PES1: variants seen among roughly 807,000 people sequenced by gnomAD.
The protein encoded by PES1 is pescadillo homolog.
PES1 carries 31 observed loss-of-function variants against 77.1 expected under a neutral mutation model. That is an observed-to-expected ratio of 0.40 (90% CI 0.30 to 0.54). The LOEUF is 0.54. Among genes scored for constraint, PES1 ranks in the 20% least tolerant of loss-of-function variants. The probability of loss-of-function intolerance (pLI) is 0.45; values close to 1 mark genes in which losing one functional copy is unlikely to be tolerated. For synonymous variants in PES1, 282 were observed against 303.0 expected (o/e 0.93, Z 0.72); for missense variants, 658 against 771.7 (o/e 0.85, Z 1.75).
rs539520329 is a variant in PES1 at position 30,600,070 on chromosome 22, G to A, written c.-661+5391C>T. Among the ~76,000 whole-genome samples the A allele has an allele frequency of 6.6e-5, 10 of 152,238 alleles. No homozygotes were observed. The South Asian group carries it at 1.9e-3, about 28-fold the overall frequency. On this transcript the variant is annotated intron_variant, in intron 2 of 16. Transcript: ENST00000402281. ...TACAGGGCCAGGCTAGGTGGCTCAC[G>A]CCTTTAATCCCAGCACTTTGGGAGG...
intron 2 of PES1, among the ~76,000 whole-genome samples, chr22:30,600,518 A>C (rs1366816461): frequency 5.3e-5 from 8 of 151,416 alleles, no homozygotes; most frequent in African/African-American, 1.9e-4. Flanking sequence ...TCCTGTCTCT[A>C]TTAAATATAA....
rs543754057 is a variant in PES1 at position 30,602,559 on chromosome 22, C to G, written c.-661+2902G>C. ...TATTTTCTTTTCCTTTTTTTCTTTT[C>G]TTTTGATAAAGATAGGGGCTCACTA... On this transcript the variant is annotated intron_variant, in intron 2 of 16. Coordinates refer to the PES1 transcript ENST00000402281. Among the ~76,000 whole-genome samples, 186 of 140,234 alleles carry G rather than the reference C, an allele frequency of 1.3e-3. 1 individual carries two copies. The highest frequency in any genetic ancestry group is 4.5e-3 in the African/African-American group (167 of 37,470). 92.0% of individuals were successfully genotyped at this position (140,234 alleles called of 152,430 possible). A position where few individuals can be genotyped will look rare whatever the true frequency, so the allele number is the denominator to read the frequency against.
chr22:30,604,633 AAAAT>A (rs1215255814), intron 2 of PES1, among the ~76,000 whole-genome samples: 3 of 24,172 alleles, frequency 1.2e-4, no homozygotes, highest in African/African-American at 4.1e-4. Flanking sequence ...TGTCTCAAAA[AAAAT>A]AAATAAATAA....
At chr22:30,597,550 C>T (rs375694948) in intron 2 of PES1, among the ~76,000 whole-genome samples, 85 of 148,096 alleles carry the variant, frequency 5.7e-4, no homozygotes, top group Middle Eastern at 3.4e-3. Flanking sequence ...ATACACCAAT[C>T]GACACTCTAT....
At chr22:30,587,472 G>T in intron 3 of PES1, 77 bp from the exon 4 acceptor site, 1 of 1,125,534 alleles carries the variant, frequency 8.9e-7, no homozygotes, top group African/African-American at 1.5e-5. Context: ...AGATGGAAAC[G>T]CAGGGCAGAA....
intron 9 of PES1, 43 bp from the exon 10 acceptor site, chr22:30,580,744 AC>A: frequency 6.2e-7 from 1 of 1,609,312 alleles, no homozygotes. Context: ...AGGGCTGCCC[AC>A]CCCCACTGGA....
At position 30,602,493 on chromosome 22, in the gene PES1, A is replaced by G. The variant is rs557175541; in HGVS notation, c.-661+2968T>C. Among the ~76,000 whole-genome samples, 3 of 145,800 alleles carry G rather than the reference A, an allele frequency of 2.1e-5. No individual in the cohort carries two copies. In the South Asian group the frequency reaches 6.4e-4, roughly 31 times the overall value. On this transcript the variant is annotated intron_variant, in intron 2 of 16. Coordinates refer to the PES1 transcript ENST00000402281. Reference sequence around the variant, plus strand: ...CGCCTTGGCCTCCCAACGTGCTGCGATTACAGGTGTGAACCACCATGTCCG... The same window carrying G: ...CGCCTTGGCCTCCCAACGTGCTGCGGTTACAGGTGTGAACCACCATGTCCG...
intron 11 of PES1, 24 bp downstream of exon 11, chr22:30,580,029 G>A (rs767305990): frequency 1.2e-5 from 19 of 1,612,430 alleles, no homozygotes; most frequent in South Asian, 3.3e-5. Flanking sequence ...CCAGAAATCC[G>A]GACGAGGACC....
At chr22:30,583,864 G>A (rs2087024162) in intron 6 of PES1, among the ~76,000 whole-genome samples, 1 of 152,254 alleles carries the variant, frequency 6.6e-6, no homozygotes, top group Non-Finnish European at 1.5e-5. Context: ...GAGTCCTGTG[G>A]GGCAGAGAGG....
intron 2 of PES1, among the ~76,000 whole-genome samples, chr22:30,600,827 CA>C (rs200815388): frequency 2.6e-5 from 4 of 151,120 alleles, no homozygotes; most frequent in Admixed American, 1.3e-4. Context: ...AAAAACAAAA[CA>C]AAAAAAAATT....
intron 12 of PES1, 40 bp downstream of exon 12, chr22:30,579,711 G>C (rs2086952103): frequency 1.3e-6 from 2 of 1,588,690 alleles, no homozygotes; most frequent in Non-Finnish European, 1.7e-6. Flanking sequence ...AGCCAGCGTG[G>C]GCCCAGGGGT....
At chr22:30,581,954 C>T (rs1390786913) in intron 6 of PES1, among the ~76,000 whole-genome samples, 6 of 152,184 alleles carry the variant, frequency 3.9e-5, no homozygotes, top group Admixed American at 1.3e-4. Context: ...CCTGCTGCTC[C>T]GAAGACTGGC....
chr22:30,591,022 A>G (rs1460841229), intron 1 of PES1, among the ~76,000 whole-genome samples: 1 of 152,074 alleles, frequency 6.6e-6, no homozygotes, highest in Non-Finnish European at 1.5e-5. Flanking sequence ...TATATTCCTC[A>G]TTCCCATTCC....
intron 14 of PES1, among the ~76,000 whole-genome samples, chr22:30,578,064 C>T (rs1255174597): frequency 1.3e-5 from 2 of 152,196 alleles, no homozygotes; most frequent in Non-Finnish European, 2.9e-5. Flanking sequence ...AGGCAGATCA[C>T]TTGAGGTCAG....
At chr22:30,592,308 C>A (rs1022944973), upstream of PES1, 1 of 992,220 alleles carries the variant, frequency 1.0e-6, no homozygotes. Context: ...TCGGCTGCCG[C>A]TGCTGAGAAG....
At chr22:30,600,113 C>T (rs755487162) in intron 2 of PES1, among the ~76,000 whole-genome samples, 3 of 152,126 alleles carry the variant, frequency 2.0e-5, no homozygotes, top group Non-Finnish European at 4.4e-5. Context: ...AGGCAGATAG[C>T]CTGATCTCAG....
intron 4 of PES1, among the ~76,000 whole-genome samples, chr22:30,586,187 C>CT (rs1171287366): frequency 1.3e-5 from 2 of 152,178 alleles, no homozygotes; most frequent in African/African-American, 2.4e-5. Context: ...TCGTGTGTGG[C>CT]TTTTTTTCAT....
intron 7 of PES1, 33 bp from the exon 8 acceptor site, chr22:30,581,441 G>A (rs1056251082): frequency 2.5e-6 from 4 of 1,611,482 alleles, no homozygotes; most frequent in Middle Eastern, 1.7e-4. Flanking sequence ...GGAGGCAGAG[G>A]ACAGCCACAG....
intron 14 of PES1, among the ~76,000 whole-genome samples, chr22:30,577,434 T>G (rs1417607933): frequency 6.6e-6 from 1 of 152,198 alleles, no homozygotes; most frequent in African/African-American, 2.4e-5. Context: ...CACTAGAACC[T>G]TCACCAGGAG....
Sources: gnomAD v4.1 joint callset for allele counts (sites outside exome capture counted in the v4.1 genomes callset) on GRCh38, gnomAD v4.1.1 for gene constraint, MANE v1.5 for transcripts, NCBI Gene and HGNC (gene_info 2026-07-23, HGNC 2026-07-21) for gene names.